TRPC7: variants seen among roughly 807,000 people sequenced by gnomAD.
TRPC7 encodes short transient receptor potential channel 7.
TRPC7 carries 42 observed loss-of-function variants against 90.1 expected under a neutral mutation model. That is an observed-to-expected ratio of 0.47 (90% CI 0.36 to 0.60). The LOEUF is 0.60. Ranked by LOEUF, TRPC7 falls within the 20% of genes least tolerant of loss-of-function variation. TRPC7 has a pLI of 0.00. For missense variants in TRPC7, 955 were observed against 1,112.3 expected (o/e 0.86, Z 2.01); for synonymous variants, 451 against 436.3 (o/e 1.03, Z -0.42).
intron 3 of TRPC7, among the ~76,000 whole-genome samples, chr5:136,286,615 T>C (rs1028949494): frequency 6.6e-6 from 1 of 152,210 alleles, no homozygotes; most frequent in Non-Finnish European, 1.5e-5. Context: ...GATGTTAGCA[T>C]AAGAACATCC....
chr5:136,362,286 A>G (rs778234111), intron 1 of TRPC7, among the ~76,000 whole-genome samples: 2 of 152,154 alleles, frequency 1.3e-5, no homozygotes, highest in Non-Finnish European at 2.9e-5. Context: ...GCCAGCCACC[A>G]TGCTGAGTAA....
intron 2 of TRPC7, among the ~76,000 whole-genome samples, chr5:136,324,383 T>C (rs1759283668): frequency 1.3e-5 from 2 of 152,208 alleles, no homozygotes; most frequent in African/African-American, 4.8e-5. Context: ...TTTTTGCTGG[T>C]TTTTAACCCA....
chr5:136,231,755 C>A (rs1237672206), intron 7 of TRPC7, among the ~76,000 whole-genome samples: 1 of 152,138 alleles, frequency 6.6e-6, no homozygotes, highest in Non-Finnish European at 1.5e-5. Flanking sequence ...CAGCTGTGCA[C>A]CACCGCACCT....
chr5:136,299,066 G>A (rs1469533896), intron 3 of TRPC7, among the ~76,000 whole-genome samples: 2 of 152,006 alleles, frequency 1.3e-5, no homozygotes, highest in Admixed American at 6.6e-5. Flanking sequence ...TTGGGAGGCC[G>A]AAGTTGGGGG....
rs759456970 is a variant in TRPC7, at chr5:136,274,654, C to T, written c.1128+19G>A. On this transcript the variant is annotated intron_variant, in intron 4 of 11. Transcript: ENST00000513104. ...AGAAGAAATAACCGCAAACGACATG[C>T]ACCTTAAGCAGTCTGTACCTTGCTG... The T allele has an allele frequency of 1.3e-6, 2 of 1,574,644 alleles. No individual in the cohort carries two copies. Among genetic ancestry groups the T allele is most frequent in the Non-Finnish European group, 1.7e-6 (2 of 1,161,844 alleles).
intron 2 of TRPC7, among the ~76,000 whole-genome samples, chr5:136,351,137 AT>A (rs929892989): frequency 4.6e-4 from 69 of 151,620 alleles, no homozygotes; most frequent in African/African-American, 1.5e-3. Flanking sequence ...TTGTATTGTG[AT>A]TTTTTTTTCC....
At chr5:136,303,230 A>G (rs1335234403) in intron 3 of TRPC7, among the ~76,000 whole-genome samples, 5 of 152,160 alleles carry the variant, frequency 3.3e-5, no homozygotes, top group Non-Finnish European at 7.3e-5. Flanking sequence ...AGCCCAGTTC[A>G]TGGCTCATTT....
At chr5:136,258,381 G>A (rs1051826793) in intron 5 of TRPC7, among the ~76,000 whole-genome samples, 2 of 152,190 alleles carry the variant, frequency 1.3e-5, no homozygotes, top group African/African-American at 4.8e-5. Context: ...ATAGTTCAGC[G>A]TTTTATATCC....
chr5:136,322,137 C>T (rs1266297939), intron 2 of TRPC7, among the ~76,000 whole-genome samples: 1 of 152,042 alleles, frequency 6.6e-6, no homozygotes, highest in African/African-American at 2.4e-5. Context: ...GCCTCAGTCT[C>T]CCAAGAAGCT....
intron 1 of TRPC7, among the ~76,000 whole-genome samples, chr5:136,363,515 A>G (rs1760631698): frequency 1.3e-5 from 2 of 152,180 alleles, no homozygotes; most frequent in South Asian, 2.1e-4. Context: ...ACCCCAAGGT[A>G]TACACGAGTT....
intron 7 of TRPC7, among the ~76,000 whole-genome samples, chr5:136,243,356 G>T (rs1318945818): frequency 1.3e-5 from 2 of 151,970 alleles, no homozygotes; most frequent in Non-Finnish European, 2.9e-5. Flanking sequence ...GTGGGGCTGG[G>T]GGGATACCTG....
intron 2 of TRPC7, among the ~76,000 whole-genome samples, chr5:136,355,122 G>A (rs1167592213): frequency 6.6e-6 from 1 of 152,204 alleles, no homozygotes; most frequent in Non-Finnish European, 1.5e-5. Flanking sequence ...TGTATGTCAT[G>A]TAGCACATGA....
intron 2 of TRPC7, among the ~76,000 whole-genome samples, chr5:136,325,050 T>C (rs1759303734): frequency 2.0e-5 from 2 of 100,462 alleles, no homozygotes; most frequent in Non-Finnish European, 4.1e-5. Context: ...ATTTCTGCTT[T>C]TGACATTTAG....
chr5:136,308,198 AC>A (rs1466103982), intron 3 of TRPC7, among the ~76,000 whole-genome samples: 1 of 152,234 alleles, frequency 6.6e-6, no homozygotes, highest in Non-Finnish European at 1.5e-5. Context: ...TCTTGAGAAA[AC>A]AAAACTTCCT....
At chr5:136,338,231 CACT>C (rs1448228544) in intron 2 of TRPC7, among the ~76,000 whole-genome samples, 1 of 152,192 alleles carries the variant, frequency 6.6e-6, no homozygotes, top group Non-Finnish European at 1.5e-5. Context: ...AAGACGATCA[CACT>C]ACTAAGCATT....
Position 136,357,320 on chromosome 5 carries a change from C to T in TRPC7, c.68G>A (p.Arg23His), listed in dbSNP as rs769579477. ...GTAGGCGGGACCCCGGATGGCCTGGCGACGGCCCTTCTCCCTCAGCGTTGT... is the reference window on the plus strand; with the variant it reads ...GTAGGCGGGACCCCGGATGGCCTGGTGACGGCCCTTCTCCCTCAGCGTTGT... Reference protein sequence around the residue: ...RHTTLREKGRRQAIRGPAYMF... With the variant: ...RHTTLREKGRHQAIRGPAYMF... Residue 23 changes from arginine to histidine, a missense_variant, in exon 2 of 12, where the codon CGC becomes CAC. By Grantham distance (29) the Arg-to-His change is conservative. This residue lies in a region of TRPC7 where 161 missense variants were observed against 145.7 expected (regional missense o/e 1.10). Transcript: ENST00000513104. The T allele has an allele frequency of 3.1e-6, 5 of 1,607,856 alleles. No individual in the cohort carries two copies. Among genetic ancestry groups the T allele is most frequent in the South Asian group, 1.1e-5 (1 of 91,070 alleles).
chr5:136,230,283 A>G (rs1755775260), intron 8 of TRPC7, among the ~76,000 whole-genome samples: 1 of 152,246 alleles, frequency 6.6e-6, no homozygotes, highest in African/African-American at 2.4e-5. Context: ...AACATGATTT[A>G]TAAAGGATAA....
At chr5:136,245,825 T>G (rs1272857449) in intron 7 of TRPC7, among the ~76,000 whole-genome samples, 1 of 152,214 alleles carries the variant, frequency 6.6e-6, no homozygotes, top group East Asian at 1.9e-4. Flanking sequence ...AAGGTATTTG[T>G]GAATAAGGTG....
At chr5:136,353,604 A>T (rs1760268575) in intron 2 of TRPC7, among the ~76,000 whole-genome samples, 1 of 152,178 alleles carries the variant, frequency 6.6e-6, no homozygotes, top group South Asian at 2.1e-4. Flanking sequence ...CTCTGAGAAG[A>T]TTTATAATGT....
Sources: allele counts gnomAD v4.1 joint callset (sites outside exome capture counted in the v4.1 genomes callset), GRCh38; gene constraint gnomAD v4.1.1; regional missense constraint gnomAD v4.1.1; transcripts MANE v1.5; gene names NCBI Gene and HGNC (gene_info 2026-07-23, HGNC 2026-07-21).